The following NLGN1 variants were observed in gnomAD, a reference collection of about 807,000 sequenced individuals.
NLGN1 encodes neuroligin-1.
Under a neutral mutation model 65.5 loss-of-function variants are expected in NLGN1, and 12 were observed. The observed-to-expected ratio is 0.18, with a 90% CI of 0.12 to 0.30. The LOEUF (loss-of-function observed/expected upper bound fraction) is 0.30. NLGN1 is among the 10% of genes least tolerant of loss of function. The pLI, the probability that NLGN1 is intolerant of heterozygous loss-of-function variation, is 1.00. For synonymous variants in NLGN1, 350 were observed against 359.5 expected (o/e 0.97, Z 0.30); for missense variants, 750 against 1,007.1 (o/e 0.74, Z 3.46).
chr3:173,886,851 G>T (rs1394804357), intron 4 of NLGN1, among the ~76,000 whole-genome samples: 4 of 151,920 alleles, frequency 2.6e-5, no homozygotes, highest in Admixed American at 6.6e-5. Context: ...ACTTGTCTTT[G>T]TAATCACTCC....
At chr3:173,466,359 A>G (rs952240676) in intron 2 of NLGN1, among the ~76,000 whole-genome samples, 1 of 152,174 alleles carries the variant, frequency 6.6e-6, no homozygotes, top group Non-Finnish European at 1.5e-5. Flanking sequence ...CTGGGAAAAA[A>G]TAAAAATAAA....
chr3:173,403,144 G>C (rs78515557), intron 1 of NLGN1, among the ~76,000 whole-genome samples: 3,930 of 152,190 alleles, frequency 0.026, 147 homozygotes, highest in African/African-American at 0.085. Flanking sequence ...TTCTGATGTA[G>C]AATGCATACT....
rs994889781 is a variant in NLGN1 at position 173,708,615 on chromosome 3, T to C, written c.494-99065T>C. ...TACGTAAGGAATAGCCTAGAAAAGG[T>C]ATTGTAAACTGCGGGTGAACACATC... On this transcript the variant is annotated intron_variant, in intron 3 of 6. Transcript: ENST00000457714. 4.6e-5 allele frequency among the ~76,000 whole-genome samples: 7 copies of C among 152,102 alleles called. No homozygotes were observed. The East Asian group carries it at 1.2e-3, about 25-fold the overall frequency.
intron 2 of NLGN1, among the ~76,000 whole-genome samples, chr3:173,451,835 C>T (rs543547684): frequency 2.4e-4 from 36 of 152,254 alleles, no homozygotes; most frequent in South Asian, 1.0e-3. Context: ...AGCAAGGCTC[C>T]GTGGGCGTAG....
At chr3:173,455,513 TCAAAACATTTTAAATATTTTGAGAATTAC>T (rs1722357222) in intron 2 of NLGN1, among the ~76,000 whole-genome samples, 2 of 152,058 alleles carry the variant, frequency 1.3e-5, no homozygotes, top group South Asian at 4.1e-4. Flanking sequence ...ACAATAGTAA[TCAAAACATTTTAAATATTTTGAGAATTAC>T]CAAAATATGG....
intron 2 of NLGN1, among the ~76,000 whole-genome samples, chr3:173,437,071 A>G (rs923167430): frequency 5.9e-5 from 9 of 152,232 alleles, no homozygotes; most frequent in Admixed American, 5.9e-4. Context: ...CATTAGCAAT[A>G]AGAAGCACTA....
At chr3:174,278,527 TTGA>T (rs1385615294) in intron 5 of NLGN1, among the ~76,000 whole-genome samples, 2 of 151,890 alleles carry the variant, frequency 1.3e-5, no homozygotes, top group African/African-American at 4.8e-5. Flanking sequence ...CTGGTTAATG[TTGA>T]TGATAATATA....
At chr3:173,654,747 C>T (rs1470913280) in intron 3 of NLGN1, among the ~76,000 whole-genome samples, 2 of 152,040 alleles carry the variant, frequency 1.3e-5, no homozygotes, top group Non-Finnish European at 2.9e-5. Context: ...ATAAAATCAG[C>T]ATCTATAGAT....
At chr3:173,804,430 A>C (rs1291779884) in intron 3 of NLGN1, among the ~76,000 whole-genome samples, 1 of 152,136 alleles carries the variant, frequency 6.6e-6, no homozygotes, top group African/African-American at 2.4e-5. Context: ...AAAGGTTTAA[A>C]GAGACAACTT....
At chr3:174,237,943 C>G (rs944388726) in intron 4 of NLGN1, among the ~76,000 whole-genome samples, 2 of 152,168 alleles carry the variant, frequency 1.3e-5, no homozygotes, top group Non-Finnish European at 2.9e-5. Context: ...TTCCATGTGG[C>G]AAAGAAGTCA....
At chr3:173,433,654 A>G (rs1717596986) in intron 1 of NLGN1, among the ~76,000 whole-genome samples, 1 of 152,052 alleles carries the variant, frequency 6.6e-6, no homozygotes, top group Admixed American at 6.6e-5. Flanking sequence ...TATTGCTGGT[A>G]CATAGATAAG....
chr3:173,585,630 T>G (rs1252190029), intron 2 of NLGN1, among the ~76,000 whole-genome samples: 1 of 152,184 alleles, frequency 6.6e-6, no homozygotes, highest in Admixed American at 6.5e-5. Flanking sequence ...CTTTCCATAA[T>G]ACAAGTCCGA....
At chr3:173,402,926 T>C in intron 1 of NLGN1, among the ~76,000 whole-genome samples, 1 of 152,244 alleles carries the variant, frequency 6.6e-6, no homozygotes, top group Middle Eastern at 3.4e-3. Flanking sequence ...ACTTGGCTGC[T>C]TCACACAAAA....
chr3:173,584,260 G>C (rs1009058957), intron 2 of NLGN1, among the ~76,000 whole-genome samples: 11 of 147,716 alleles, frequency 7.4e-5, no homozygotes, highest in African/African-American at 2.8e-4. Flanking sequence ...AAAAAAAAAA[G>C]GTGAGGAGAG....
At chr3:174,107,425 T>C (rs1218205449) in intron 4 of NLGN1, among the ~76,000 whole-genome samples, 1 of 152,180 alleles carries the variant, frequency 6.6e-6, no homozygotes, top group Non-Finnish European at 1.5e-5. Context: ...TCCCTTAGTA[T>C]ATTTCTGTAG....
intron 4 of NLGN1, among the ~76,000 whole-genome samples, chr3:174,185,870 T>C (rs1251069205): frequency 6.6e-6 from 1 of 152,044 alleles, no homozygotes; most frequent in Non-Finnish European, 1.5e-5. Context: ...TATATGTTTA[T>C]GTTTTGCACT....
chr3:173,796,825 G>T (rs1714187975), intron 3 of NLGN1, among the ~76,000 whole-genome samples: 1 of 152,158 alleles, frequency 6.6e-6, no homozygotes, highest in South Asian at 2.1e-4. Flanking sequence ...CTATTTGAAG[G>T]ATAAATGTGT....
intron 4 of NLGN1, among the ~76,000 whole-genome samples, chr3:174,236,566 A>G (rs1741758043): frequency 6.6e-6 from 1 of 151,948 alleles, no homozygotes; most frequent in Admixed American, 6.6e-5. Flanking sequence ...GTCTTTCTTG[A>G]ATTTTACTTT....
At chr3:174,212,069 C>G (rs576826611) in intron 4 of NLGN1, among the ~76,000 whole-genome samples, 1 of 152,150 alleles carries the variant, frequency 6.6e-6, no homozygotes, top group Non-Finnish European at 1.5e-5. Context: ...CCCACGGAGG[C>G]GGGGGAAGGC....
Sources: gnomAD v4.1 joint callset for allele counts (sites outside exome capture counted in the v4.1 genomes callset) on GRCh38, gnomAD v4.1.1 for gene constraint, MANE v1.5 for transcripts, NCBI Gene and HGNC (gene_info 2026-07-23, HGNC 2026-07-21) for gene names.